FGF13: variants seen among roughly 807,000 people sequenced by gnomAD.
The protein encoded by FGF13 is fibroblast growth factor homologous factor 2.
FGF13 carries 2 observed loss-of-function variants against 19.5 expected under a neutral mutation model. That is an observed-to-expected ratio of 0.10 (90% confidence interval 0.04 to 0.32). The LOEUF is 0.32. Ranked by LOEUF, FGF13 falls within the 10% of genes least tolerant of loss-of-function variation. The pLI is 1.00. For synonymous variants in FGF13, 72 were observed against 76.9 expected (o/e 0.94, Z 0.33); for missense variants, 113 against 192.7 (o/e 0.59, Z 2.45).
chrX:138,988,329 A>T lies in FGF13; in HGVS notation c.-112-123679T>A, dbSNP rs976413291. On this transcript the variant is annotated intron_variant, in intron 1 of 2. Coordinates refer to the FGF13 transcript ENST00000421460. The stretch of plus-strand genomic sequence containing the variant: ...TCAGAAAATCCGATTTCTAATTTTT[A>T]TTACAGGTGAAAAGGCATATACCAT... 2.7e-5 allele frequency among the ~76,000 whole-genome samples: 3 copies of T among 112,205 alleles called. No homozygotes were observed. The Admixed American group carries it at 2.8e-4, about 11-fold the overall frequency.
intron 1 of FGF13, among the ~76,000 whole-genome samples, chrX:139,053,061 G>A (rs2092307938): frequency 1.1e-5 from 1 of 94,398 alleles, no homozygotes; most frequent in Non-Finnish European, 2.0e-5. Flanking sequence ...ATGCTTTTGT[G>A]TCCTCATAGT....
At position 139,130,147 on chromosome X, in the gene FGF13, G is replaced by C. The variant is rs189256555; in HGVS notation, c.-113+73269C>G. Among the ~76,000 whole-genome samples the C allele has an allele frequency of 4.6e-4, 51 of 111,761 alleles. No homozygotes were observed. The East Asian group carries it at 8.7e-3, about 19-fold the overall frequency. On this transcript the variant is annotated intron_variant, in intron 1 of 2. Transcript: ENST00000421460. ...TTATTCTTCTATACAAATTTTGCTA[G>C]CAATTTGTCACATCTTATAAAATAA...
intron 1 of FGF13, among the ~76,000 whole-genome samples, chrX:139,175,581 C>T (rs2084174305): frequency 9.0e-6 from 1 of 111,544 alleles, no homozygotes; most frequent in African/African-American, 3.3e-5. Context: ...TTCCATCAAA[C>T]CTAGTTTATA....
intron 3 of FGF13, among the ~76,000 whole-genome samples, chrX:138,804,168 C>T (rs908687885): frequency 9.0e-5 from 10 of 111,570 alleles, no homozygotes; most frequent in Admixed American, 3.8e-4. Flanking sequence ...CTTTTTCATT[C>T]ACTTAAAATA....
chrX:138,888,938 C>G (rs1291446527), intron 1 of FGF13, among the ~76,000 whole-genome samples: 1 of 112,054 alleles, frequency 8.9e-6, no homozygotes, highest in African/African-American at 3.2e-5. Flanking sequence ...ATGCATGACA[C>G]TGTAATTATT....
intron 3 of FGF13, among the ~76,000 whole-genome samples, chrX:138,758,865 A>C (rs2090448163): frequency 8.9e-6 from 1 of 112,249 alleles, no homozygotes; most frequent in Non-Finnish European, 1.9e-5. Context: ...ACTAATGGAA[A>C]ATAATGAAAG....
chrX:138,778,485 G>A (rs930976556), intron 3 of FGF13, among the ~76,000 whole-genome samples: 13 of 112,330 alleles, frequency 1.2e-4, no homozygotes, highest in Non-Finnish European at 2.4e-4. Context: ...GAAGCAGGGC[G>A]AGGTATTGCC....
chrX:138,898,952 T>C (rs950165141), intron 1 of FGF13, among the ~76,000 whole-genome samples: 9 of 111,458 alleles, frequency 8.1e-5, no homozygotes, highest in Non-Finnish European at 1.7e-4. Flanking sequence ...GCTTGGAACA[T>C]CTCCTTTTAC....
intron 3 of FGF13, among the ~76,000 whole-genome samples, chrX:138,767,453 T>C (rs1419829320): frequency 8.9e-6 from 1 of 111,743 alleles, no homozygotes; most frequent in African/African-American, 3.3e-5. Flanking sequence ...TCCTTCATTT[T>C]ATTCTGCTGG....
chrX:138,729,999 A>G (rs1156787933), intron 1 of FGF13, among the ~76,000 whole-genome samples: 1 of 112,145 alleles, frequency 8.9e-6, no homozygotes, highest in African/African-American at 3.2e-5. Context: ...AAAGAAACAT[A>G]GAATTTTTCT....
intron 1 of FGF13, among the ~76,000 whole-genome samples, chrX:139,065,322 A>T (rs1178504503): frequency 1.8e-5 from 2 of 110,153 alleles, no homozygotes; most frequent in African/African-American, 6.6e-5. Context: ...CTTAAATGTA[A>T]ATGGGCTAAA....
chrX:139,051,021 A>C (rs984839508), intron 1 of FGF13, among the ~76,000 whole-genome samples: 23 of 112,142 alleles, frequency 2.1e-4, no homozygotes, highest in African/African-American at 7.4e-4. Flanking sequence ...TAGGTCAATG[A>C]AACATTCTAG....
chrX:139,176,090 G>A (rs1363358490), intron 1 of FGF13, among the ~76,000 whole-genome samples: 3 of 111,705 alleles, frequency 2.7e-5, no homozygotes, highest in Non-Finnish European at 3.8e-5. Context: ...CTTGTCATTG[G>A]TCTATTCAGG....
rs983078032 is a variant in FGF13, at chrX:138,870,323, T to A, written c.-112-5673A>T. On this transcript the variant is annotated intron_variant, in intron 1 of 2. Transcript: ENST00000421460. ...ATACACTTTTACATATCATTTTTAA[T>A]ATTCATAGCAACCCATGTTCACATT... 3.6e-5 allele frequency among the ~76,000 whole-genome samples: 4 copies of A among 111,820 alleles called. No homozygotes were observed. The South Asian group carries it at 1.5e-3, about 42-fold the overall frequency.
At chrX:138,849,352 A>G (rs1442411413) in intron 3 of FGF13, among the ~76,000 whole-genome samples, 3 of 112,206 alleles carry the variant, frequency 2.7e-5, no homozygotes, top group African/African-American at 9.7e-5. Context: ...CTGTCTTTTT[A>G]CATAAATATA....
At chrX:138,953,613 C>T (rs2091825802) in intron 1 of FGF13, among the ~76,000 whole-genome samples, 1 of 111,394 alleles carries the variant, frequency 9.0e-6, no homozygotes, top group Non-Finnish European at 1.9e-5. Flanking sequence ...TGCAAAAATA[C>T]CTGAAAACAA....
chrX:138,864,668 T>A lies in FGF13; in HGVS notation c.-112-18A>T, dbSNP rs1353769179. 6 of 112,518 alleles carry A rather than the reference T, an allele frequency of 5.3e-5. No homozygotes were observed. In the East Asian group the frequency reaches 1.4e-3, roughly 26 times the overall value. The allele number at this position is 112,518 out of a possible 1,213,427, so 9.3% of individuals were successfully genotyped here. A position where few individuals can be genotyped will look rare whatever the true frequency, so the allele number is the denominator to read the frequency against. ...TCCCCCTGCTGAAGACAGAAATAGG[T>A]CCACTAAGAAGAAAAGTGCAGCTTC... On this transcript the variant is annotated intron_variant, in intron 1 of 2. Coordinates refer to the FGF13 transcript ENST00000421460.
intron 1 of FGF13, among the ~76,000 whole-genome samples, chrX:139,164,176 A>G (rs772201132): frequency 1.8e-4 from 19 of 108,303 alleles, no homozygotes; most frequent in African/African-American, 6.1e-4. Flanking sequence ...ACATATGTAT[A>G]CATGTGACAT....
intron 1 of FGF13, among the ~76,000 whole-genome samples, chrX:138,884,578 C>G (rs1168693505): frequency 8.9e-6 from 1 of 112,250 alleles, no homozygotes; most frequent in Non-Finnish European, 1.9e-5. Context: ...CAGCTTATTT[C>G]CCCTTCTTAA....
Sources: gnomAD v4.1 joint callset for allele counts (sites outside exome capture counted in the v4.1 genomes callset) on GRCh38, gnomAD v4.1.1 for gene constraint, MANE v1.5 for transcripts, NCBI Gene and HGNC (gene_info 2026-07-23, HGNC 2026-07-21) for gene names.